RUNDC3B: variants seen among roughly 807,000 people sequenced by gnomAD.
RUNDC3B encodes RUN domain containing 3B.
In RUNDC3B, 33 loss-of-function variants were observed where a neutral mutation model predicts 58.4. The ratio of observed to expected loss-of-function variants is 0.56; its 90% CI spans 0.43 to 0.75. The LOEUF (loss-of-function observed/expected upper bound fraction) is 0.75, where lower values mean the gene tolerates loss of function less well. RUNDC3B is among the 30% of genes least tolerant of loss of function. The pLI, the probability that RUNDC3B is intolerant of heterozygous loss-of-function variation, is 0.00. For synonymous variants in RUNDC3B, 193 were observed against 195.2 expected (o/e 0.99, Z 0.10); for missense variants, 501 against 535.7 (o/e 0.94, Z 0.64).
chr7:87,812,330 T>TG (rs1434220215), intron 9 of RUNDC3B, among the ~76,000 whole-genome samples: 1 of 152,148 alleles, frequency 6.6e-6, no homozygotes, highest in Non-Finnish European at 1.5e-5. Context: ...TAACAATGGC[T>TG]GGGCACAGTG....
At chr7:87,640,792 A>T (rs1326573788) in intron 1 of RUNDC3B, among the ~76,000 whole-genome samples, 2 of 152,034 alleles carry the variant, frequency 1.3e-5, no homozygotes, top group African/African-American at 4.8e-5. Context: ...TTCATTAATT[A>T]TGTCTTATGC....
intron 6 of RUNDC3B, among the ~76,000 whole-genome samples, chr7:87,764,533 A>C (rs903129115): frequency 2.0e-5 from 3 of 151,940 alleles, no homozygotes; most frequent in Middle Eastern, 3.4e-3. Flanking sequence ...TGTACCCAAT[A>C]GGTAATTATA....
chr7:87,735,969 A>G (rs555884678), intron 4 of RUNDC3B, among the ~76,000 whole-genome samples: 2 of 152,196 alleles, frequency 1.3e-5, no homozygotes, highest in African/African-American at 2.4e-5. Context: ...TTTAATAAAT[A>G]TTTGTTTATT....
At position 87,649,527 on chromosome 7, in the gene RUNDC3B, G is replaced by A. The variant is rs28381758; in HGVS notation, c.123-1295G>A. Among the ~76,000 whole-genome samples, 418 of 152,298 alleles carry A rather than the reference G, an allele frequency of 2.7e-3. 3 individuals are homozygous for A. Among genetic ancestry groups the A allele is most frequent in the African/African-American group, 9.4e-3 (390 of 41,572 alleles). On this transcript the variant is annotated intron_variant, in intron 1 of 10. Transcript: ENST00000394654. ...TGTTTGTGCTAGGAATATGCAGGTGGATAATTCTCCATTGAGAAGATGACA... is the reference window on the plus strand; with the variant it reads ...TGTTTGTGCTAGGAATATGCAGGTGAATAATTCTCCATTGAGAAGATGACA...
intron 6 of RUNDC3B, among the ~76,000 whole-genome samples, chr7:87,749,218 T>C (rs1176570600): frequency 6.6e-6 from 1 of 152,218 alleles, no homozygotes; most frequent in African/African-American, 2.4e-5. Context: ...ACACTAATTT[T>C]CCTCTCCTAC....
intron 6 of RUNDC3B, among the ~76,000 whole-genome samples, chr7:87,761,699 G>A (rs1003693915): frequency 2.6e-5 from 4 of 151,852 alleles, no homozygotes; most frequent in Admixed American, 2.6e-4. Context: ...CATTATAGGT[G>A]AAAGGCGTCA....
intron 10 of RUNDC3B, among the ~76,000 whole-genome samples, chr7:87,827,082 C>A (rs999488613): frequency 4.6e-5 from 7 of 151,906 alleles, no homozygotes; most frequent in Non-Finnish European, 7.4e-5. Context: ...CAACATATAC[C>A]AAGGAGAGAA....
intron 2 of RUNDC3B, among the ~76,000 whole-genome samples, chr7:87,690,003 A>C (rs1260617595): frequency 6.6e-6 from 1 of 151,900 alleles, no homozygotes; most frequent in Non-Finnish European, 1.5e-5. Flanking sequence ...AAAATTTTTA[A>C]ATTTTTTATA....
At chr7:87,792,358 A>C (rs1474201452) in intron 8 of RUNDC3B, among the ~76,000 whole-genome samples, 1 of 152,110 alleles carries the variant, frequency 6.6e-6, no homozygotes, top group Non-Finnish European at 1.5e-5. Context: ...CTATAGACCA[A>C]ATGGATCTCA....
intron 2 of RUNDC3B, among the ~76,000 whole-genome samples, chr7:87,680,695 G>A (rs1183626767): frequency 2.7e-5 from 4 of 150,078 alleles, no homozygotes; most frequent in Admixed American, 1.3e-4. Context: ...TTAGGAGGCT[G>A]AAGGCAGGAG....
chr7:87,751,716 T>C (rs1182879872), intron 6 of RUNDC3B, among the ~76,000 whole-genome samples: 11 of 152,206 alleles, frequency 7.2e-5, no homozygotes, highest in African/African-American at 1.4e-4. Context: ...GTGATTTTTG[T>C]ACATTGATTT....
chr7:87,801,843 CAT>C (rs1349119331), intron 8 of RUNDC3B, among the ~76,000 whole-genome samples: 1 of 152,092 alleles, frequency 6.6e-6, no homozygotes, highest in Non-Finnish European at 1.5e-5. Context: ...GGCTCAAAGT[CAT>C]GTGATAAATC....
At chr7:87,773,273 A>T (rs1379582484) in intron 7 of RUNDC3B, among the ~76,000 whole-genome samples, 2 of 149,442 alleles carry the variant, frequency 1.3e-5, no homozygotes, top group African/African-American at 4.9e-5. Context: ...CAGTGAGCGG[A>T]GATCGCGCCA....
intron 6 of RUNDC3B, among the ~76,000 whole-genome samples, chr7:87,761,453 ATTC>A (rs556620769): frequency 7.8e-4 from 119 of 152,080 alleles, no homozygotes; most frequent in African/African-American, 2.7e-3. Flanking sequence ...TGATTCTGAA[ATTC>A]TTCTCCTAGA....
At chr7:87,669,221 C>A (rs573878403) in intron 2 of RUNDC3B, among the ~76,000 whole-genome samples, 15 of 151,938 alleles carry the variant, frequency 9.9e-5, no homozygotes, top group African/African-American at 3.4e-4. Context: ...AATCCTTTAC[C>A]ATTAAGTAAT....
chr7:87,786,824 A>G (rs1835248663), intron 8 of RUNDC3B, among the ~76,000 whole-genome samples: 1 of 152,148 alleles, frequency 6.6e-6, no homozygotes, highest in Non-Finnish European at 1.5e-5. Context: ...TACCTGAGTT[A>G]TGATTCTGTC....
At chr7:87,681,464 A>G (rs1826919970) in intron 2 of RUNDC3B, among the ~76,000 whole-genome samples, 1 of 150,748 alleles carries the variant, frequency 6.6e-6, no homozygotes, top group African/African-American at 2.5e-5. Flanking sequence ...GTCACAAAAA[A>G]TTTTTGGTTT....
chr7:87,820,491 C>G (rs555428441), intron 10 of RUNDC3B, among the ~76,000 whole-genome samples: 1 of 152,166 alleles, frequency 6.6e-6, no homozygotes, highest in African/African-American at 2.4e-5. Flanking sequence ...CCTTCTGAAA[C>G]TATTCCAATC....
rs747583095 is a variant in RUNDC3B, at chr7:87,757,949, G to A, written c.630-12632G>A. Among the ~76,000 whole-genome samples, 8 of 152,090 alleles carry A rather than the reference G, an allele frequency of 5.3e-5. No homozygotes were observed. The South Asian group carries it at 1.0e-3, about 20-fold the overall frequency. On this transcript the variant is annotated intron_variant, in intron 6 of 10. Coordinates refer to ENST00000394654, the MANE Select transcript of RUNDC3B (RefSeq NM_001134405.2). ...ATGGTGCTGGGAAAACTGGATATTC[G>A]TATGCAAAAGGATGAAAGTAGACCT...
Sources: gnomAD v4.1 joint callset for allele counts (sites outside exome capture counted in the v4.1 genomes callset) on GRCh38, gnomAD v4.1.1 for gene constraint, MANE v1.5 for transcripts, NCBI Gene and HGNC (gene_info 2026-07-23, HGNC 2026-07-21) for gene names.